The following PHTF2 variants were observed in gnomAD, a reference collection of about 807,000 sequenced individuals.
The protein encoded by PHTF2 is protein PHTF2.
In PHTF2, 60 loss-of-function variants were observed where a neutral mutation model predicts 101.2. That is an observed-to-expected ratio of 0.59 (90% CI 0.48 to 0.73). The LOEUF (loss-of-function observed/expected upper bound fraction) is 0.73. Among genes scored for constraint, PHTF2 ranks in the 30% least tolerant of loss-of-function variants. PHTF2 has a pLI of 0.00. For missense variants in PHTF2, 747 were observed against 908.7 expected (o/e 0.82, Z 2.29); for synonymous variants, 311 against 307.3 (o/e 1.01, Z -0.13).
intron 16 of PHTF2, among the ~76,000 whole-genome samples, chr7:77,947,854 T>TTTTTTTTTTTTTTTC (rs1806208949): frequency 7.0e-6 from 1 of 141,920 alleles, no homozygotes. Context: ...TTTTTTTTTT[T>TTTTTTTTTTTTTTTC]TGAGACAGAG....
chr7:77,830,659 AAT>A (rs2150549610), intron 1 of PHTF2, among the ~76,000 whole-genome samples: 1 of 152,336 alleles, frequency 6.6e-6, no homozygotes, highest in African/African-American at 2.4e-5. Context: ...AGCAGCTGCG[AAT>A]ACAGATTAAC....
intron 3 of PHTF2, among the ~76,000 whole-genome samples, chr7:77,876,808 A>T (rs1285739887): frequency 6.6e-6 from 1 of 152,234 alleles, no homozygotes; most frequent in Non-Finnish European, 1.5e-5. Flanking sequence ...CAGGAGGCTG[A>T]GATGGGAGGA....
At chr7:77,822,937 C>T (rs1794411434) in intron 1 of PHTF2, among the ~76,000 whole-genome samples, 2 of 144,598 alleles carry the variant, frequency 1.4e-5, no homozygotes, top group Non-Finnish European at 3.0e-5. Flanking sequence ...CGGAGTCTCG[C>T]TCTGTCGCCC....
intron 1 of PHTF2, among the ~76,000 whole-genome samples, chr7:77,835,318 G>A (rs1249533769): frequency 6.6e-6 from 1 of 151,794 alleles, no homozygotes; most frequent in Non-Finnish European, 1.5e-5. Flanking sequence ...CTTCATCTTG[G>A]AGGAAGTAGG....
chr7:77,936,774 T>C (rs1012590661), intron 12 of PHTF2, among the ~76,000 whole-genome samples: 1 of 145,218 alleles, frequency 6.9e-6, no homozygotes, highest in Non-Finnish European at 1.5e-5. Context: ...AATCTTTTAG[T>C]GTTACTTCTC....
rs1010676153 is a variant in PHTF2 at position 77,834,202 on chromosome 7, T to C, written c.-35-6019T>C. On this transcript the variant is annotated intron_variant, in intron 1 of 19. Coordinates refer to ENST00000416283, the Ensembl canonical transcript of PHTF2. Reference sequence around the variant, plus strand: ...CATGGTACATGCCTATAGTCACAGCTATTTTGGGGGCTGAGGCAGAAGGAT... The same window carrying C: ...CATGGTACATGCCTATAGTCACAGCCATTTTGGGGGCTGAGGCAGAAGGAT... 2.0e-5 allele frequency among the ~76,000 whole-genome samples: 3 copies of C among 151,274 alleles called. No individual in the cohort carries two copies. The South Asian group carries it at 6.2e-4, about 31-fold the overall frequency.
chr7:77,886,872 G>A (rs1799897893), intron 3 of PHTF2, among the ~76,000 whole-genome samples: 1 of 151,866 alleles, frequency 6.6e-6, no homozygotes, highest in African/African-American at 2.4e-5. Flanking sequence ...ATAAGGAGCT[G>A]TCACCTCTAC....
In PHTF2 at chr7:77,937,724, G is replaced by A; in HGVS notation, c.1353G>A (p.Trp451Ter). ...TTTTTTTATAGAGTCATTTGCCCTG[G>A]CTCCATAGTTCCCACCCAGGATTAG... The change falls in exon 13 of 20, where the codon TGG becomes TGA. Residue 451 changes from tryptophan (W) to a stop codon, truncating the protein, a stop_gained. Coordinates refer to ENST00000416283, the Ensembl canonical transcript of PHTF2. LOFTEE classifies it high-confidence loss of function. The A allele has an allele frequency of 7.3e-7, 1 of 1,370,478 alleles. No homozygotes were observed. The highest frequency in any genetic ancestry group is 1.7e-5 in the South Asian group (1 of 59,372). 84.9% of individuals were successfully genotyped at this position (1,370,478 alleles called of 1,614,324 possible). A position where few individuals can be genotyped will look rare whatever the true frequency, so the allele number is the denominator to read the frequency against.
chr7:77,857,410 A>C (rs1797270466), intron 3 of PHTF2, among the ~76,000 whole-genome samples: 1 of 152,216 alleles, frequency 6.6e-6, no homozygotes, highest in African/African-American at 2.4e-5. Context: ...TGAGTAGTTC[A>C]GCCATTATCC....
At position 77,957,228 on chromosome 7, in the gene PHTF2, G is replaced by T. The variant is rs1198329623; in HGVS notation, c.*2350G>T. 6.6e-6 allele frequency: 1 copy of T among 151,242 alleles called. No individual in the cohort carries two copies. The highest frequency in any genetic ancestry group is 1.5e-5 in the Non-Finnish European group (1 of 67,742). 9.4% of individuals were successfully genotyped at this position (151,242 alleles called of 1,614,324 possible). A position where few individuals can be genotyped will look rare whatever the true frequency, so the allele number is the denominator to read the frequency against. On this transcript the variant is annotated 3_prime_UTR_variant, in exon 20 of 20. Transcript: ENST00000416283. ...AAAATAAAACATTCTGTGACTGACGGTGTTTTTTTTTTTAATTTTCAGGTC... is the reference window on the plus strand; with the variant it reads ...AAAATAAAACATTCTGTGACTGACGTTGTTTTTTTTTTTAATTTTCAGGTC...
chr7:77,851,961 C>T lies in PHTF2; in HGVS notation c.46-2772C>T, dbSNP rs115245515. 4.7e-3 allele frequency among the ~76,000 whole-genome samples: 710 copies of T among 152,180 alleles called. 9 individuals carry two copies. Among genetic ancestry groups the T allele is most frequent in the African/African-American group, 0.016 (667 of 41,500 alleles). Reference sequence around the variant, plus strand: ...TTTTAAATTTTCTTCTTCATTTCTTCATTGATTCACTGGTAATTCAGGAGC... The same window carrying T: ...TTTTAAATTTTCTTCTTCATTTCTTTATTGATTCACTGGTAATTCAGGAGC... On this transcript the variant is annotated intron_variant, in intron 2 of 19. Coordinates refer to ENST00000416283, the Ensembl canonical transcript of PHTF2.
intron 1 of PHTF2, among the ~76,000 whole-genome samples, chr7:77,813,813 T>C (rs1356528585): frequency 1.3e-5 from 2 of 152,294 alleles, no homozygotes; most frequent in African/African-American, 4.8e-5. Flanking sequence ...ATTAAAAGAA[T>C]GTTAGAGGTA....
rs756596285 is a variant in PHTF2 at position 77,940,121 on chromosome 7, C to T, written c.1559C>T (p.Ser520Phe). The change falls in exon 14 of 20, where the codon TCT (serine) becomes TTT (phenylalanine). Residue 520 changes from serine (S) to phenylalanine (F), a missense_variant. Coordinates refer to ENST00000416283, the Ensembl canonical transcript of PHTF2. ...TTAACTCCATTTGTTTTCCGACTTT[C>T]TCAAGCTACAGACTTGGAACAACTC... The T allele has an allele frequency of 3.1e-6, 5 of 1,613,844 alleles. No homozygotes were observed. Among genetic ancestry groups the T allele is most frequent in the African/African-American group, 1.3e-5 (1 of 75,030 alleles).
At chr7:77,948,787 G>T (rs942776055) in intron 16 of PHTF2, among the ~76,000 whole-genome samples, 2 of 152,136 alleles carry the variant, frequency 1.3e-5, no homozygotes, top group Non-Finnish European at 2.9e-5. Flanking sequence ...ATAATAACAA[G>T]TATGAATGAA....
intron 1 of PHTF2, among the ~76,000 whole-genome samples, chr7:77,815,030 T>C (rs1203386591): frequency 1.3e-5 from 2 of 151,846 alleles, no homozygotes; most frequent in Non-Finnish European, 2.9e-5. Flanking sequence ...TGAGCTGATA[T>C]CACGCCCCTG....
At chr7:77,885,351 C>T (rs947059604) in intron 3 of PHTF2, among the ~76,000 whole-genome samples, 2 of 152,200 alleles carry the variant, frequency 1.3e-5, no homozygotes, top group African/African-American at 4.8e-5. Flanking sequence ...CCTGCCTTGG[C>T]CTTGCCTTGC....
intron 9 of PHTF2, among the ~76,000 whole-genome samples, chr7:77,914,127 A>G (rs576595298): frequency 2.6e-4 from 39 of 152,172 alleles, no homozygotes; most frequent in Admixed American, 2.1e-3. Context: ...TAAGCCAGGC[A>G]TTGAGTCACA....
chr7:77,900,533 T>G, intron 5 of PHTF2, 178 bp from the exon 5 acceptor site: 1 of 562,032 alleles, frequency 1.8e-6, no homozygotes, highest in Non-Finnish European at 3.2e-6. Flanking sequence ...TTTTGAACAA[T>G]AATAAAATTT....
intron 1 of PHTF2, among the ~76,000 whole-genome samples, chr7:77,819,411 C>T (rs1053200781): frequency 6.6e-6 from 1 of 152,168 alleles, no homozygotes; most frequent in Non-Finnish European, 1.5e-5. Context: ...TATTTTCCTT[C>T]TATCCCTAAT....
Sources: allele counts gnomAD v4.1 joint callset (sites outside exome capture counted in the v4.1 genomes callset), GRCh38; gene constraint gnomAD v4.1.1; transcripts MANE v1.5; gene names NCBI Gene and HGNC (gene_info 2026-07-23, HGNC 2026-07-21).